PALMD: variants seen among roughly 807,000 people sequenced by gnomAD.
PALMD encodes paralemmin-like protein.
PALMD carries 42 observed loss-of-function variants against 56.2 expected under a neutral mutation model. That is an observed-to-expected ratio of 0.75 (90% CI 0.58 to 0.97). The LOEUF (loss-of-function observed/expected upper bound fraction) is 0.97. Among genes scored for constraint, PALMD ranks in the 50% least tolerant of loss-of-function variants. PALMD has a pLI of 0.00. For missense variants in PALMD, 660 were observed against 643.8 expected, an observed-to-expected ratio of 1.03 and a Z score of -0.27; for synonymous variants, 242 against 222.9, an observed-to-expected ratio of 1.09 and a Z score of -0.76.
rs1446768554 is a variant in PALMD at position 99,689,753 on chromosome 1, C to A, written c.1493C>A (p.Ser498Tyr). The stretch of plus-strand genomic sequence containing the variant: ...CCTCATGAAAACACAAATCATAAAT[C>A]CCCCCACAAAAATTCCATATCTCTG... Reference protein sequence around the residue: ...ASPHENTNHKSPHKNSISLKE... With the variant: ...ASPHENTNHKYPHKNSISLKE... The change falls in exon 7 of 8, where the codon TCC becomes TAC. Residue 498 changes from serine (S) to tyrosine (Y), a missense_variant. Ser to Tyr is a moderately radical substitution (Grantham distance 144, BLOSUM62 -2). Transcript: ENST00000263174. 6.2e-7 allele frequency: 1 copy of A among 1,613,780 alleles called. No homozygotes were observed. Among genetic ancestry groups the A allele is most frequent in the South Asian group, 1.1e-5 (1 of 91,054 alleles).
In PALMD at chr1:99,689,291, A is replaced by G; in HGVS notation, c.1031A>G (p.Gln344Arg). ...QQAEEKLHTP[Q>R]KRLMTPWEES... is the part of the protein sequence containing the mutation. ...GCAGAAGAGAAGCTTCACACCCCGCAAAAAAGGCTAATGACTCCTTGGGAA... is the reference window on the plus strand; with the variant it reads ...GCAGAAGAGAAGCTTCACACCCCGCGAAAAAGGCTAATGACTCCTTGGGAA... Residue 344 changes from glutamine (Q) to arginine (R), a missense_variant, in exon 7 of 8, where the codon CAA (glutamine) becomes CGA (arginine). Coordinates refer to ENST00000263174, the MANE Select transcript of PALMD (RefSeq NM_017734.5). 6.2e-7 allele frequency: 1 copy of G among 1,613,446 alleles called. No individual in the cohort carries two copies. The highest frequency in any genetic ancestry group is 8.5e-7 in the Non-Finnish European group (1 of 1,179,728).
chr1:99,653,080 G>A (rs936478547), intron 1 of PALMD, among the ~76,000 whole-genome samples: 5 of 152,056 alleles, frequency 3.3e-5, no homozygotes, highest in African/African-American at 1.2e-4. Context: ...CTGCAGCCAG[G>A]AATTCTCAAG....
At chr1:99,693,996 C>T in intron 7 of PALMD, 23 bp from the exon 8 acceptor site, 1 of 1,529,702 alleles carries the variant, frequency 6.5e-7, no homozygotes, top group Non-Finnish European at 8.9e-7. Context: ...TTATAACTCT[C>T]TTTTTTTTTC....
chr1:99,692,311 A>G (rs1168097371), intron 7 of PALMD, among the ~76,000 whole-genome samples: 1 of 152,174 alleles, frequency 6.6e-6, no homozygotes, highest in Non-Finnish European at 1.5e-5. Context: ...GCCAACCTGC[A>G]ACAGCCATTA....
At chr1:99,667,567 A>G (rs1174893226) in intron 2 of PALMD, 75 bp from the exon 3 acceptor site, 2 of 1,213,926 alleles carry the variant, frequency 1.6e-6, no homozygotes, top group Non-Finnish European at 2.4e-6. Flanking sequence ...GAAATTCATA[A>G]GATTTGAAAG....
intron 3 of PALMD, among the ~76,000 whole-genome samples, chr1:99,678,360 C>T (rs1416748705): frequency 6.6e-6 from 1 of 152,144 alleles, no homozygotes; most frequent in African/African-American, 2.4e-5. Context: ...TCGCCTCAGC[C>T]TCCCAAAGTG....
intron 3 of PALMD, among the ~76,000 whole-genome samples, chr1:99,674,605 C>T (rs1433723343): frequency 2.0e-5 from 3 of 148,740 alleles, no homozygotes; most frequent in Non-Finnish European, 3.0e-5. Context: ...TAAACTCCCA[C>T]CCAAAAAAAA....
At chr1:99,685,701 G>C (rs1010274624) in intron 3 of PALMD, 1 of 152,166 alleles carries the variant, frequency 6.6e-6, no homozygotes, top group Non-Finnish European at 1.5e-5. Flanking sequence ...TAGCTGACAC[G>C]AATATCCACA....
intron 3 of PALMD, chr1:99,686,148 A>C (rs920238745): frequency 1.3e-5 from 2 of 152,132 alleles, no homozygotes; most frequent in Non-Finnish European, 2.9e-5. Flanking sequence ...AACTCTTAGG[A>C]AACTGAAATT....
intron 1 of PALMD, among the ~76,000 whole-genome samples, chr1:99,654,746 A>T (rs1424738859): frequency 6.6e-6 from 1 of 152,124 alleles, no homozygotes; most frequent in African/African-American, 2.4e-5. Flanking sequence ...GTGACCATTA[A>T]GAGTAACTTT....
intron 1 of PALMD, among the ~76,000 whole-genome samples, chr1:99,657,495 A>C (rs1306141829): frequency 1.3e-5 from 2 of 152,102 alleles, no homozygotes; most frequent in African/African-American, 4.8e-5. Context: ...TCATGGCCTT[A>C]TGTATGAGTT....
intron 3 of PALMD, among the ~76,000 whole-genome samples, chr1:99,679,621 A>G (rs910184705): frequency 1.3e-5 from 2 of 152,238 alleles, no homozygotes; most frequent in African/African-American, 4.8e-5. Flanking sequence ...CCCAGCTATC[A>G]TTTCAATCTT....
intron 3 of PALMD, 130 bp downstream of exon 3, chr1:99,667,896 TAAGGCACG>T: frequency 6.1e-6 from 5 of 816,510 alleles, no homozygotes; most frequent in Non-Finnish European, 9.6e-6. Context: ...TTTTTTTTTT[TAAGGCACG>T]CTTTCACACT....
chr1:99,653,947 C>T (rs1208175873), intron 1 of PALMD, among the ~76,000 whole-genome samples: 1 of 152,066 alleles, frequency 6.6e-6, no homozygotes, highest in Non-Finnish European at 1.5e-5. Context: ...GAAGTTGGTG[C>T]TAAGGGTTGA....
chr1:99,685,371 G>A (rs1653461856), intron 3 of PALMD: 1 of 152,102 alleles, frequency 6.6e-6, no homozygotes, highest in South Asian at 2.1e-4. Context: ...TCTGCTGAAG[G>A]GTAAAAGTGC....
At chr1:99,680,088 T>C (rs1653304911) in intron 3 of PALMD, among the ~76,000 whole-genome samples, 1 of 152,226 alleles carries the variant, frequency 6.6e-6, no homozygotes. Context: ...TCTATCAGGT[T>C]GTGAGTCCTT....
At position 99,662,382 on chromosome 1, in the gene PALMD, A is replaced by T; in HGVS notation, c.109A>T (p.Lys37Ter). The T allele has an allele frequency of 1.3e-6, 2 of 1,553,708 alleles. No homozygotes were observed. Among genetic ancestry groups the T allele is most frequent in the Non-Finnish European group, 1.8e-6 (2 of 1,132,602 alleles). Residue 37 changes from lysine to a stop codon, truncating the protein, a stop_gained, in exon 2 of 8, where the codon AAG becomes TAG. Transcript: ENST00000263174. LOFTEE classifies it high-confidence loss of function. ...KRLKIEEDKL[K>*]HQHLKKKALR... is the part of the protein sequence containing the mutation. Reference sequence around the variant, plus strand: ...TCTGAAAATAGAGGAAGACAAACTAAAGCACCAGCATTTGAAGGTAATTTA... The same window carrying T: ...TCTGAAAATAGAGGAAGACAAACTATAGCACCAGCATTTGAAGGTAATTTA...
chr1:99,669,780 G>T (rs10783115), intron 3 of PALMD: 122,263 of 152,250 alleles, frequency 0.8, 49,373 homozygotes, highest in African/African-American at 0.88. Context: ...GACAGTGGCT[G>T]GTCTAGTTAG....
chr1:99,684,038 C>CA (rs1557674351), intron 3 of PALMD: 1 of 152,240 alleles, frequency 6.6e-6, no homozygotes, highest in African/African-American at 2.4e-5. Flanking sequence ...TTGCTGTTTA[C>CA]AGCCCCTATC....
Sources: allele counts gnomAD v4.1 joint callset (sites outside exome capture counted in the v4.1 genomes callset), GRCh38; gene constraint gnomAD v4.1.1; transcripts MANE v1.5; gene names NCBI Gene and HGNC (gene_info 2026-07-23, HGNC 2026-07-21).